Variants in MCTP1 observed in about 807,000 individuals in gnomAD.
The protein encoded by MCTP1 is multiple C2 and transmembrane domain-containing protein 1.
A neutral mutation model predicts 120.6 loss-of-function variants in MCTP1; 69 were observed. The ratio of observed to expected loss-of-function variants is 0.57; its 90% CI spans 0.47 to 0.70. The LOEUF (loss-of-function observed/expected upper bound fraction) is 0.70, where lower values mean the gene tolerates loss of function less well. Among genes scored for constraint, MCTP1 ranks in the 30% least tolerant of loss-of-function variants. The pLI, the probability that MCTP1 is intolerant of heterozygous loss-of-function variation, is 0.00. For missense variants in MCTP1, 1,203 were observed against 1,248.8 expected (o/e 0.96, Z 0.55); for synonymous variants, 529 against 493.1 (o/e 1.07, Z -0.96).
chr5:94,838,667 G>A (rs1202915503), intron 17 of MCTP1, among the ~76,000 whole-genome samples: 11 of 152,150 alleles, frequency 7.2e-5, no homozygotes. Flanking sequence ...CTGCTTCTTA[G>A]CATCCAGCAC....
intron 1 of MCTP1, among the ~76,000 whole-genome samples, chr5:95,277,705 G>T (rs1227155891): frequency 6.6e-6 from 1 of 152,172 alleles, no homozygotes; most frequent in Non-Finnish European, 1.5e-5. Context: ...TAATGCTGAA[G>T]GGGCCTCTCT....
At chr5:94,745,646 G>T (rs1245097058) in intron 19 of MCTP1, among the ~76,000 whole-genome samples, 1 of 152,166 alleles carries the variant, frequency 6.6e-6, no homozygotes, top group Admixed American at 6.5e-5. Context: ...TATTTCTAGT[G>T]CCTAACACTG....
intron 19 of MCTP1, among the ~76,000 whole-genome samples, chr5:94,770,275 T>C (rs922308726): frequency 5.9e-5 from 9 of 152,208 alleles, no homozygotes; most frequent in South Asian, 2.1e-4. Flanking sequence ...TTTCTATGAA[T>C]GTTGTCAACC....
At chr5:94,828,897 T>C (rs1787857033) in intron 17 of MCTP1, among the ~76,000 whole-genome samples, 2 of 152,166 alleles carry the variant, frequency 1.3e-5, no homozygotes, top group South Asian at 4.1e-4. Flanking sequence ...TGGGATCCAC[T>C]GAGCAAGACA....
intron 1 of MCTP1, among the ~76,000 whole-genome samples, chr5:95,046,672 C>T (rs1189624882): frequency 6.6e-6 from 1 of 152,126 alleles, no homozygotes; most frequent in Non-Finnish European, 1.5e-5. Context: ...GACTTCCTAA[C>T]CATTATTAGC....
In MCTP1 at chr5:95,017,465, C is replaced by A; in HGVS notation, c.740G>T (p.Gly247Val). The change falls in exon 2 of 23, where the codon GGA becomes GTA. Residue 247 changes from glycine to valine, a missense_variant. Around this residue, in one of 2 missense-constraint regions of MCTP1, gnomAD observed 463 missense variants for 377.8 expected, o/e 1.23. Transcript: ENST00000515393. ...GSSQKIINTA[G>V]TSNAEVPLAD... Reference sequence around the variant, plus strand: ...CAAGGGGACTTCTGCATTACTGGTTCCAGCAGTGTTTATTATTTTCTGGAA... The same window carrying A: ...CAAGGGGACTTCTGCATTACTGGTTACAGCAGTGTTTATTATTTTCTGGAA... 6.3e-7 allele frequency: 1 copy of A among 1,598,034 alleles called. No homozygotes were observed. Among genetic ancestry groups the A allele is most frequent in the South Asian group, 1.1e-5 (1 of 87,610 alleles).
intron 1 of MCTP1, among the ~76,000 whole-genome samples, chr5:95,200,226 G>T (rs1394319375): frequency 6.6e-6 from 1 of 151,886 alleles, no homozygotes; most frequent in East Asian, 1.9e-4. Flanking sequence ...GAAGAAAAGG[G>T]AACACTTGTG....
At chr5:94,965,179 A>T (rs1411324201) in intron 2 of MCTP1, among the ~76,000 whole-genome samples, 1 of 152,200 alleles carries the variant, frequency 6.6e-6, no homozygotes, top group South Asian at 2.1e-4. Flanking sequence ...GAGAAAGTCT[A>T]TATCTCTCCT....
chr5:95,266,923 T>C (rs993522547), intron 1 of MCTP1, among the ~76,000 whole-genome samples: 1 of 152,246 alleles, frequency 6.6e-6, no homozygotes, highest in Non-Finnish European at 1.5e-5. Flanking sequence ...ACAGTCTCCA[T>C]GAAATATTTT....
chr5:95,278,962 CAAA>C (rs113219166), intron 1 of MCTP1, among the ~76,000 whole-genome samples: 2 of 80,900 alleles, frequency 2.5e-5, no homozygotes, highest in Non-Finnish European at 2.7e-5. Flanking sequence ...AACTCCGTCT[CAAA>C]AAAAAAAAAA....
intron 6 of MCTP1, among the ~76,000 whole-genome samples, chr5:94,927,444 T>G (rs1158754460): frequency 6.6e-6 from 1 of 152,196 alleles, no homozygotes; most frequent in African/African-American, 2.4e-5. Flanking sequence ...ACCGAGCATG[T>G]ACTTTTTTTC....
chr5:94,734,559 G>A (rs1288902707), intron 19 of MCTP1, among the ~76,000 whole-genome samples: 1 of 152,182 alleles, frequency 6.6e-6, no homozygotes, highest in Non-Finnish European at 1.5e-5. Flanking sequence ...TGGGCCTAAA[G>A]TAATCCTCCC....
chr5:94,948,208 T>C (rs1385175210), intron 3 of MCTP1, among the ~76,000 whole-genome samples: 1 of 152,154 alleles, frequency 6.6e-6, no homozygotes, highest in Non-Finnish European at 1.5e-5. Context: ...GGACATAAAC[T>C]AACCCTTAAT....
At chr5:95,181,429 G>A (rs1453922235) in intron 1 of MCTP1, among the ~76,000 whole-genome samples, 1 of 152,132 alleles carries the variant, frequency 6.6e-6, no homozygotes, top group African/African-American at 2.4e-5. Flanking sequence ...AATCTTAGCA[G>A]TGCTTTATTG....
At chr5:94,902,543 C>G (rs1805796047) in intron 10 of MCTP1, among the ~76,000 whole-genome samples, 1 of 152,042 alleles carries the variant, frequency 6.6e-6, no homozygotes, top group African/African-American at 2.4e-5. Context: ...TAATTTTTAG[C>G]AAATTGAATA....
chr5:94,738,185 T>C (rs1263277642), intron 19 of MCTP1, among the ~76,000 whole-genome samples: 1 of 152,236 alleles, frequency 6.6e-6, no homozygotes, highest in East Asian at 1.9e-4. Flanking sequence ...AGTTAATTTA[T>C]GAAGTTTTAG....
At chr5:95,091,521 C>G (rs540158295) in intron 1 of MCTP1, among the ~76,000 whole-genome samples, 30 of 152,084 alleles carry the variant, frequency 2.0e-4, no homozygotes, top group Non-Finnish European at 4.0e-4. Flanking sequence ...TGCAGCTACC[C>G]CCTTGCTCAG....
At chr5:95,095,046 C>CG (rs1756136034) in intron 1 of MCTP1, among the ~76,000 whole-genome samples, 1 of 78,482 alleles carries the variant, frequency 1.3e-5, no homozygotes, top group Non-Finnish European at 2.0e-5. Flanking sequence ...TTTTTTGAGA[C>CG]GGAGTCTCGC....
intron 20 of MCTP1, 79 bp from the exon 21 acceptor site, chr5:94,711,006 T>A: frequency 3.1e-6 from 3 of 955,680 alleles, no homozygotes; most frequent in Non-Finnish European, 4.9e-6. Flanking sequence ...GATTCTAACT[T>A]GGGACCTAGT....
Sources: allele counts gnomAD v4.1 joint callset (sites outside exome capture counted in the v4.1 genomes callset), GRCh38; gene constraint gnomAD v4.1.1; regional missense constraint gnomAD v4.1.1; transcripts MANE v1.5; gene names NCBI Gene and HGNC (gene_info 2026-07-23, HGNC 2026-07-21).